The following DLG2 variants were observed in gnomAD, a reference collection of about 807,000 sequenced individuals.
DLG2 encodes the protein discs large MAGUK scaffold protein 2, also known as disks large homolog 2.
A neutral mutation model predicts 132.5 loss-of-function variants in DLG2; 45 were observed. That is an observed-to-expected ratio of 0.34 (90% confidence interval 0.27 to 0.44). DLG2 has a LOEUF of 0.44. Among genes scored for constraint, DLG2 ranks in the 20% least tolerant of loss-of-function variants. The probability of loss-of-function intolerance (pLI) is 1.00; values close to 1 mark genes in which losing one functional copy is unlikely to be tolerated. For synonymous variants in DLG2, 424 were observed against 419.6 expected, an observed-to-expected ratio of 1.01 and a Z score of -0.13; for missense variants, 1,045 against 1,196.9, an observed-to-expected ratio of 0.87 and a Z score of 1.87.
intron 6 of DLG2, among the ~76,000 whole-genome samples, chr11:84,775,284 A>C (rs1475999383): frequency 1.3e-5 from 2 of 152,108 alleles, no homozygotes. Context: ...ACAGATGTTG[A>C]TGAGCTTGTG....
rs1236069917 is a variant in DLG2, at chr11:83,457,376, C to A, written c.*2442G>T. On this transcript the variant is annotated 3_prime_UTR_variant, in exon 28 of 28. Coordinates refer to ENST00000376104, the MANE Select transcript of DLG2 (RefSeq NM_001142699.3). ...TAAATTCTATTGGAAAAGACCCTCTCACCAATTTGCTTGGTGATTCTTCAA... is the reference window on the plus strand; with the variant it reads ...TAAATTCTATTGGAAAAGACCCTCTAACCAATTTGCTTGGTGATTCTTCAA... 1.3e-5 allele frequency: 2 copies of A among 152,570 alleles called. No individual in the cohort carries two copies. Among genetic ancestry groups the A allele is most frequent in the African/African-American group, 4.8e-5 (2 of 41,406 alleles). 9.5% of individuals were successfully genotyped at this position (152,570 alleles called of 1,614,324 possible).
intron 6 of DLG2, among the ~76,000 whole-genome samples, chr11:85,021,815 A>C (rs1372670978): frequency 6.6e-6 from 1 of 152,158 alleles, no homozygotes; most frequent in East Asian, 1.9e-4. Flanking sequence ...ATGCAGCCAC[A>C]ACTGCTCAGT....
chr11:84,679,468 A>T (rs917507156), intron 6 of DLG2, among the ~76,000 whole-genome samples: 1 of 152,062 alleles, frequency 6.6e-6, no homozygotes. Context: ...TTTTCCTGAG[A>T]TAATGAATGA....
At chr11:84,972,942 T>C (rs2054307481) in intron 6 of DLG2, among the ~76,000 whole-genome samples, 1 of 146,068 alleles carries the variant, frequency 6.8e-6, no homozygotes, top group Admixed American at 6.8e-5. Context: ...TAAGCCTCAG[T>C]TTTTTGGGTT....
chr11:84,766,587 G>A (rs1229273818), intron 6 of DLG2, among the ~76,000 whole-genome samples: 3 of 152,000 alleles, frequency 2.0e-5, no homozygotes, highest in Non-Finnish European at 2.9e-5. Context: ...AAACAAATAC[G>A]TGGATGAAGA....
intron 7 of DLG2, among the ~76,000 whole-genome samples, chr11:84,404,886 A>G (rs2098843238): frequency 6.6e-6 from 1 of 152,234 alleles, no homozygotes; most frequent in Non-Finnish European, 1.5e-5. Flanking sequence ...CTAGATAGGA[A>G]AAATAACCTA....
chr11:85,484,148 G>A (rs1315912816), intron 3 of DLG2, among the ~76,000 whole-genome samples: 1 of 149,150 alleles, frequency 6.7e-6, no homozygotes, highest in African/African-American at 2.5e-5. Flanking sequence ...AAATGGGTCA[G>A]GTCCGCGCAG....
chr11:84,183,377 G>A (rs1336630302), intron 8 of DLG2, among the ~76,000 whole-genome samples: 1 of 152,092 alleles, frequency 6.6e-6, no homozygotes, highest in Non-Finnish European at 1.5e-5. Context: ...CAATGCCCGT[G>A]TGAGCAAGGC....
intron 4 of DLG2, among the ~76,000 whole-genome samples, chr11:85,188,650 CAAT>C (rs2080304506): frequency 6.6e-6 from 1 of 151,990 alleles, no homozygotes; most frequent in South Asian, 2.1e-4. Context: ...CAGAAAATCT[CAAT>C]AAAAATGAAG....
At chr11:84,521,695 A>T (rs2154516903) in intron 7 of DLG2, among the ~76,000 whole-genome samples, 1 of 152,340 alleles carries the variant, frequency 6.6e-6, no homozygotes, top group Admixed American at 6.5e-5. Context: ...TCATATAAAT[A>T]TGTTGAATGA....
intron 10 of DLG2, among the ~76,000 whole-genome samples, chr11:84,083,324 A>C (rs2096929984): frequency 6.6e-6 from 1 of 152,182 alleles, no homozygotes; most frequent in Non-Finnish European, 1.5e-5. Context: ...AATGTAAATA[A>C]ATGTGGTATC....
At chr11:84,596,449 C>G (rs2099558257) in intron 6 of DLG2, among the ~76,000 whole-genome samples, 1 of 147,048 alleles carries the variant, frequency 6.8e-6, no homozygotes, top group Admixed American at 7.0e-5. Context: ...TCTCGAACTT[C>G]TGACCTCAGG....
At chr11:84,019,199 T>C (rs11233879) in intron 11 of DLG2, among the ~76,000 whole-genome samples, 4,541 of 152,168 alleles carry the variant, frequency 0.03, 210 homozygotes, top group African/African-American at 0.1. Flanking sequence ...CAATATGCCG[T>C]TCAGTATTCT....
At chr11:83,534,281 G>A (rs1247159485) in intron 20 of DLG2, among the ~76,000 whole-genome samples, 1 of 152,136 alleles carries the variant, frequency 6.6e-6, no homozygotes, top group African/African-American at 2.4e-5. Context: ...GTGTTTTATA[G>A]CAAGTCCTCA....
At chr11:84,970,797 T>A (rs1197149327) in intron 6 of DLG2, among the ~76,000 whole-genome samples, 1 of 152,142 alleles carries the variant, frequency 6.6e-6, no homozygotes, top group Non-Finnish European at 1.5e-5. Context: ...AACTAATGCT[T>A]TAAGAAAAAT....
chr11:84,155,275 G>A (rs1418557698), intron 9 of DLG2, among the ~76,000 whole-genome samples: 1 of 152,154 alleles, frequency 6.6e-6, no homozygotes, highest in Non-Finnish European at 1.5e-5. Flanking sequence ...TTTAGGGCCA[G>A]GAACTGGCCC....
At chr11:83,691,015 A>G (rs1348061928) in intron 18 of DLG2, among the ~76,000 whole-genome samples, 1 of 152,160 alleles carries the variant, frequency 6.6e-6, no homozygotes, top group African/African-American at 2.4e-5. Context: ...CTGGCCCTTG[A>G]CAAAACAAGT....
intron 19 of DLG2, among the ~76,000 whole-genome samples, chr11:83,552,422 C>A (rs2096412902): frequency 1.3e-5 from 2 of 152,058 alleles, no homozygotes; most frequent in South Asian, 4.1e-4. Flanking sequence ...ACAGTTGAGT[C>A]TCATATGTGC....
chr11:85,368,548 T>C (rs1427016799), intron 3 of DLG2, among the ~76,000 whole-genome samples: 1 of 152,218 alleles, frequency 6.6e-6, no homozygotes. Context: ...ATTTCATTAA[T>C]CTTCTGATGC....
Sources: allele counts gnomAD v4.1 joint callset (sites outside exome capture counted in the v4.1 genomes callset), GRCh38; gene constraint gnomAD v4.1.1; transcripts MANE v1.5; gene names NCBI Gene and HGNC (gene_info 2026-07-23, HGNC 2026-07-21).